The following PIK3C2G variants were observed in gnomAD, a reference collection of about 807,000 sequenced individuals.
The protein encoded by PIK3C2G is phosphatidylinositol 3-kinase C2 domain-containing subunit gamma.
A neutral mutation model predicts 181.1 loss-of-function variants in PIK3C2G; 168 were observed. The ratio of observed to expected loss-of-function variants is 0.93; its 90% CI spans 0.82 to 1.05. The LOEUF (loss-of-function observed/expected upper bound fraction) is 1.05. Among genes scored for constraint, PIK3C2G ranks in the 50% least tolerant of loss-of-function variants. PIK3C2G has a pLI of 0.00. For synonymous variants in PIK3C2G, 573 were observed against 592.2 expected (o/e 0.97, Z 0.47); for missense variants, 1,869 against 1,732.8 (o/e 1.08, Z -1.40).
At chr12:18,696,707 A>G in the PIK3C2G span, among the ~76,000 whole-genome samples, 1 of 152,050 alleles carries the variant, frequency 6.6e-6, no homozygotes. Context: ...ACACAAAGCT[A>G]TACGATTCCA....
intron 28 of PIK3C2G, 104 bp from the exon 29 acceptor site, chr12:18,566,845 C>G: frequency 1.4e-6 from 1 of 697,050 alleles, no homozygotes; most frequent in Non-Finnish European, 2.6e-6. Context: ...CAAATGTTTT[C>G]ATTGGCCCTT....
intron 1 of PIK3C2G, among the ~76,000 whole-genome samples, chr12:18,273,809 C>T (rs1471651534): frequency 1.3e-5 from 2 of 152,110 alleles, no homozygotes; most frequent in African/African-American, 4.8e-5. Context: ...AAAATGGGAT[C>T]TAATTAAACT....
intron 30 of PIK3C2G, among the ~76,000 whole-genome samples, chr12:18,608,756 G>C (rs376903393): frequency 6.6e-6 from 1 of 152,020 alleles, no homozygotes; most frequent in African/African-American, 2.4e-5. Context: ...GTAATAAGAA[G>C]TTACAATACA....
At chr12:18,668,023 C>G in the PIK3C2G span, among the ~76,000 whole-genome samples, 3 of 152,152 alleles carry the variant, frequency 2.0e-5, no homozygotes, top group Non-Finnish European at 2.9e-5. Context: ...CTTTAGGACA[C>G]TACCTAATAT....
intron 29 of PIK3C2G, among the ~76,000 whole-genome samples, chr12:18,593,414 G>A (rs1332440854): frequency 6.6e-6 from 1 of 151,818 alleles, no homozygotes; most frequent in African/African-American, 2.4e-5. Context: ...TTTCTTGGAA[G>A]TAGAGACAGT....
At chr12:18,724,448 A>C in the PIK3C2G span, among the ~76,000 whole-genome samples, 1 of 152,126 alleles carries the variant, frequency 6.6e-6, no homozygotes, top group Non-Finnish European at 1.5e-5. Context: ...AGGGAGATTT[A>C]ATTTTTTAAA....
chr12:18,290,493 G>A (rs1949644936), intron 3 of PIK3C2G, among the ~76,000 whole-genome samples: 1 of 152,162 alleles, frequency 6.6e-6, no homozygotes, highest in African/African-American at 2.4e-5. Flanking sequence ...AGGCATGAAA[G>A]AAATCCAAGA....
At chr12:18,419,301 C>G (rs1266828117) in intron 16 of PIK3C2G, among the ~76,000 whole-genome samples, 1 of 152,130 alleles carries the variant, frequency 6.6e-6, no homozygotes, top group East Asian at 1.9e-4. Flanking sequence ...GTAAAATAGT[C>G]ACACAGGGAA....
chr12:18,693,011 C>T, the PIK3C2G span: 1 of 1,415,774 alleles, frequency 7.1e-7, no homozygotes, highest in Non-Finnish European at 1.0e-6. Flanking sequence ...AGGAAGAATT[C>T]ATTAGAAATC....
chr12:18,338,597 CTTAA>C (rs773854324), intron 9 of PIK3C2G, 49 bp downstream of exon 9: 10 of 1,325,266 alleles, frequency 7.5e-6, no homozygotes, highest in South Asian at 3.8e-5. Flanking sequence ...GAGTTCAATA[CTTAA>C]TTAAGGAGAG....
intron 18 of PIK3C2G, among the ~76,000 whole-genome samples, chr12:18,486,012 C>T (rs1163067905): frequency 1.3e-5 from 2 of 152,086 alleles, no homozygotes; most frequent in South Asian, 4.1e-4. Flanking sequence ...TCAGCCTTTT[C>T]CGTAGTTGTT....
At chr12:18,522,664 T>C (rs1169807961) in intron 24 of PIK3C2G, among the ~76,000 whole-genome samples, 1 of 152,122 alleles carries the variant, frequency 6.6e-6, no homozygotes, top group Non-Finnish European at 1.5e-5. Flanking sequence ...CTTTTATTAT[T>C]CTTTCCTTAC....
At chr12:18,346,519 TA>T in intron 10 of PIK3C2G, 121 bp from the exon 11 acceptor site, 1 of 583,794 alleles carries the variant, frequency 1.7e-6, no homozygotes, top group South Asian at 2.7e-5. Flanking sequence ...CTTCAATTGG[TA>T]AAGGGTCACT....
At chr12:18,650,329 C>CTATATATA (rs1167084886), downstream of PIK3C2G, among the ~76,000 whole-genome samples, 6 of 82,442 alleles carry the variant, frequency 7.3e-5, no homozygotes, top group African/African-American at 2.4e-4. Flanking sequence ...CTCTCTCTCT[C>CTATATATA]TCTATATATA....
At chr12:18,535,415 T>C (rs1943795967) in intron 24 of PIK3C2G, among the ~76,000 whole-genome samples, 1 of 152,052 alleles carries the variant, frequency 6.6e-6, no homozygotes, top group Non-Finnish European at 1.5e-5. Context: ...TTTATTTAAT[T>C]TGTATATGTT....
chr12:18,392,211 T>C (rs534316873), intron 15 of PIK3C2G, among the ~76,000 whole-genome samples: 19 of 152,196 alleles, frequency 1.2e-4, no homozygotes, highest in African/African-American at 4.3e-4. Flanking sequence ...TTAATTAGAA[T>C]TTTGGAGTAA....
chr12:18,488,245 T>G (rs1468262681), intron 18 of PIK3C2G, among the ~76,000 whole-genome samples: 1 of 152,132 alleles, frequency 6.6e-6, no homozygotes, highest in South Asian at 2.1e-4. Context: ...CTCTTATTGA[T>G]TCTTCACTCT....
rs775419502 is a variant in PIK3C2G, at chr12:18,282,313, T to A, written c.232T>A (p.Leu78Ile). 6.2e-7 allele frequency: 1 copy of A among 1,613,606 alleles called. No homozygotes were observed. Among genetic ancestry groups the A allele is most frequent in the South Asian group, 1.1e-5 (1 of 91,076 alleles). The change falls in exon 2 of 33, where the codon TTA (leucine) becomes ATA (isoleucine). Residue 78 changes from leucine (L) to isoleucine (I), a missense_variant. By Grantham distance (5) the Leu-to-Ile change is conservative. Transcript: ENST00000538779. The part of the protein sequence containing the change: ...APKWDSTGHS[L>I]NEAHQISLNE... Reference sequence around the variant, plus strand: ...AAAATGGGACTCAACAGGGCATTCATTAAATGAAGCACACCAAATATCCTT... The same window carrying A: ...AAAATGGGACTCAACAGGGCATTCAATAAATGAAGCACACCAAATATCCTT...
chr12:18,699,642 C>T, the PIK3C2G span: 5 of 788,572 alleles, frequency 6.3e-6, 1 homozygote, highest in Middle Eastern at 7.2e-4. Flanking sequence ...CTTAATGAGA[C>T]CTGAGGTATG....
Sources: gnomAD v4.1 joint callset for allele counts (sites outside exome capture counted in the v4.1 genomes callset) on GRCh38, gnomAD v4.1.1 for gene constraint, MANE v1.5 for transcripts, NCBI Gene and HGNC (gene_info 2026-07-23, HGNC 2026-07-21) for gene names.